The following ZNF724 variants were observed in gnomAD, a reference collection of about 807,000 sequenced individuals.
The protein encoded by ZNF724 is zinc finger protein 724, also known as zinc finger protein 724 pseudogene.
In ZNF724, 14 loss-of-function variants were observed where a neutral mutation model predicts 29.3. That is an observed-to-expected ratio of 0.48 (90% confidence interval 0.32 to 0.75). ZNF724 has a LOEUF of 0.75. ZNF724 is among the 30% of genes least tolerant of loss of function. The probability of loss-of-function intolerance (pLI) is 0.04; values close to 1 mark genes in which losing one functional copy is unlikely to be tolerated. For missense variants in ZNF724, 557 were observed against 571.2 expected, an observed-to-expected ratio of 0.98 and a Z score of 0.25; for synonymous variants, 180 against 193.6, an observed-to-expected ratio of 0.93 and a Z score of 0.58.
intron 1 of ZNF724, chr19:23,242,756 C>T (rs1477844282): frequency 1.5e-5 from 2 of 132,002 alleles, no homozygotes; most frequent in African/African-American, 5.9e-5. Flanking sequence ...AATAATAATA[C>T]AGGCCGGGCG....
intron 1 of ZNF724, among the ~76,000 whole-genome samples, chr19:23,244,010 T>A (rs1972189540): frequency 1.3e-5 from 2 of 151,546 alleles, no homozygotes; most frequent in African/African-American, 2.4e-5. Flanking sequence ...AAAAATAATC[T>A]ACATCAAACT....
chr19:23,245,340 G>A (rs1972216774), intron 1 of ZNF724, among the ~76,000 whole-genome samples: 1 of 152,200 alleles, frequency 6.6e-6, no homozygotes, highest in South Asian at 2.1e-4. Context: ...TTAGCCAGGT[G>A]CGGTGGCTCA....
At chr19:23,241,446 AG>A (rs1972122613) in intron 1 of ZNF724, among the ~76,000 whole-genome samples, 1 of 152,254 alleles carries the variant, frequency 6.6e-6, no homozygotes, top group South Asian at 2.1e-4. Flanking sequence ...ACAACCCAGA[AG>A]AAAACCTCAG....
At chr19:23,249,241 C>CTTTTTT (rs35301912) in intron 1 of ZNF724, among the ~76,000 whole-genome samples, 1 of 133,810 alleles carries the variant, frequency 7.5e-6, no homozygotes, top group Non-Finnish European at 1.6e-5. Flanking sequence ...CAGAGACTGC[C>CTTTTTT]TTTTTTTTTT....
intron 1 of ZNF724, among the ~76,000 whole-genome samples, chr19:23,234,455 A>AT (rs201820214): frequency 0.022 from 3,197 of 146,108 alleles, 93 homozygotes; most frequent in African/African-American, 0.07. Flanking sequence ...TTGCCTTGCA[A>AT]TTTTTTTTTT....
intron 1 of ZNF724, among the ~76,000 whole-genome samples, chr19:23,237,083 C>T (rs1205112708): frequency 1.3e-5 from 2 of 152,126 alleles, no homozygotes; most frequent in Non-Finnish European, 2.9e-5. Context: ...AAACTCCTGA[C>T]CTCAAGTGAT....
rs905805992 is a variant in ZNF724 at position 23,249,592 on chromosome 19, G to A, written c.3+648C>T. 5.9e-5 allele frequency among the ~76,000 whole-genome samples: 9 copies of A among 152,116 alleles called. No homozygotes were observed. The East Asian group carries it at 1.5e-3, about 26-fold the overall frequency. ...TTTTTGTATTTCTAGTAGAAACGGG[G>A]GTTTCACCATGTTGGTCAGGCTGGT... On this transcript the variant is annotated intron_variant, in intron 1 of 3. Coordinates refer to ENST00000418100, the MANE Select transcript of ZNF724 (RefSeq NM_001355404.2).
intron 3 of ZNF724, among the ~76,000 whole-genome samples, chr19:23,225,702 T>C (rs4932704): frequency 0.48 from 73,664 of 151,946 alleles, 19,566 homozygotes; most frequent in East Asian, 0.68. Context: ...GAATGATGCA[T>C]ACTATATGAT....
intron 1 of ZNF724, among the ~76,000 whole-genome samples, chr19:23,239,478 A>G (rs1972081403): frequency 6.6e-6 from 1 of 152,212 alleles, no homozygotes; most frequent in Non-Finnish European, 1.5e-5. Context: ...ACTTTTGGGT[A>G]AATAATAAAA....
At chr19:23,224,168 T>C (rs972547594) in intron 3 of ZNF724, 150 bp from the exon 4 acceptor site, 8 of 504,186 alleles carry the variant, frequency 1.6e-5, no homozygotes, top group African/African-American at 9.8e-5. Context: ...TCCCAGCACG[T>C]TGAAAGGCTG....
intron 1 of ZNF724, among the ~76,000 whole-genome samples, chr19:23,232,555 A>AG (rs1473741389): frequency 3.3e-5 from 5 of 152,360 alleles, no homozygotes; most frequent in South Asian, 2.1e-4. Context: ...ACATGAACAC[A>AG]GGCATGTACA....
At chr19:23,248,095 T>C (rs1972274271) in intron 1 of ZNF724, among the ~76,000 whole-genome samples, 1 of 152,162 alleles carries the variant, frequency 6.6e-6, no homozygotes, top group Non-Finnish European at 1.5e-5. Flanking sequence ...ATGATCTCTG[T>C]GCTTAGGGAA....
chr19:23,248,164 T>C (rs971947484), intron 1 of ZNF724, among the ~76,000 whole-genome samples: 12 of 152,214 alleles, frequency 7.9e-5, no homozygotes, highest in African/African-American at 1.4e-4. Flanking sequence ...GATTACTCTT[T>C]GCTTTCTTCT....
chr19:23,238,928 C>T (rs957013550), intron 1 of ZNF724, among the ~76,000 whole-genome samples: 2 of 151,938 alleles, frequency 1.3e-5, no homozygotes, highest in Admixed American at 1.3e-4. Context: ...ACAGCTAAAT[C>T]TCTGGACAAG....
chr19:23,240,940 G>T (rs1483570648), intron 1 of ZNF724, among the ~76,000 whole-genome samples: 1 of 151,994 alleles, frequency 6.6e-6, no homozygotes, highest in East Asian at 1.9e-4. Context: ...GGCTGAGGTA[G>T]GAAAATTGCT....
intron 3 of ZNF724, among the ~76,000 whole-genome samples, chr19:23,225,726 G>C (rs1971815302): frequency 6.6e-6 from 1 of 152,126 alleles, no homozygotes; most frequent in Non-Finnish European, 1.5e-5. Flanking sequence ...ACTTATATGA[G>C]ATATGTTATA....
In ZNF724 at chr19:23,222,955, G is replaced by C. The variant is rs568300186; in HGVS notation, c.1290C>G (p.Ala430=). The C allele has an allele frequency of 2.9e-6, 4 of 1,358,596 alleles. No homozygotes were observed. In the South Asian group the frequency reaches 3.5e-5, roughly 12 times the overall value. 84.2% of individuals were successfully genotyped at this position (1,358,596 alleles called of 1,614,324 possible). The part of the protein sequence containing the change: ...KPYKCEECGK[A]FNQFSQLTTH... ...TAGTAAGTTGTGAGAACTGGTTAAA[G>C]GCTTTGCCACATTCTTCACATTTGT... The change falls in exon 4 of 4, where the codon GCC becomes GCG. Residue 430 remains alanine (A), a synonymous_variant. Coordinates refer to ENST00000418100, the MANE Select transcript of ZNF724 (RefSeq NM_001355404.2).
rs946213296 is a variant in ZNF724 at position 23,224,033 on chromosome 19, A to T, written c.227-15T>A. On this transcript the variant is annotated splice_polypyrimidine_tract_variant and intron_variant, in intron 3 of 3. Coordinates refer to ENST00000418100, the MANE Select transcript of ZNF724 (RefSeq NM_001355404.2). ...ACAACACATACCTGAAAGAAATAAA[A>T]ATAACAACTTACTCCACATACTAGA... 1 of 628,104 alleles carries T rather than the reference A, an allele frequency of 1.6e-6. No homozygotes were observed. The highest frequency in any genetic ancestry group is 2.8e-6 in the Non-Finnish European group (1 of 351,846). 38.9% of individuals were successfully genotyped at this position (628,104 alleles called of 1,614,324 possible).
intron 1 of ZNF724, among the ~76,000 whole-genome samples, chr19:23,243,475 CAAAAAAA>C (rs61241201): frequency 1.3e-4 from 4 of 31,218 alleles, no homozygotes; most frequent in African/African-American, 6.1e-4. Context: ...GAGTCCATCT[CAAAAAAA>C]AAAAAAAAAA....
Sources: gnomAD v4.1 joint callset for allele counts (sites outside exome capture counted in the v4.1 genomes callset) on GRCh38, gnomAD v4.1.1 for gene constraint, MANE v1.5 for transcripts, NCBI Gene and HGNC (gene_info 2026-07-23, HGNC 2026-07-21) for gene names.